LRTM3: variants seen among roughly 807,000 people sequenced by gnomAD.
LRTM3 encodes the protein leucine-rich repeat transmembrane protein 3.
chr13:102,748,949 G>T, the LRTM3 span: 28 of 1,550,456 alleles, frequency 1.8e-5, no homozygotes, highest in South Asian at 3.2e-4. Flanking sequence ...CTCTGTATCT[G>T]GTGACTTATT....
chr13:102,733,095 T>A, the LRTM3 span: 1 of 1,551,500 alleles, frequency 6.4e-7, no homozygotes, highest in Admixed American at 2.0e-5. Flanking sequence ...TCCACATCTG[T>A]TTCCGATGGT....
chr13:102,730,935 A>G, the LRTM3 span: 2 of 1,551,364 alleles, frequency 1.3e-6, no homozygotes, highest in Non-Finnish European at 1.7e-6. Context: ...GGATGAATAC[A>G]GTTAGATAAG....
At chr13:102,746,361 C>T in the LRTM3 span, 2 of 1,550,572 alleles carry the variant, frequency 1.3e-6, no homozygotes, top group East Asian at 2.4e-5. Context: ...TTAGCAAAGA[C>T]ATCAGTGTAT....
chr13:102,738,672 A>G, the LRTM3 span: 2 of 1,550,154 alleles, frequency 1.3e-6, no homozygotes, highest in African/African-American at 2.7e-5. Context: ...GTATCTGATG[A>G]CTCTTGGAGA....
the LRTM3 span, among the ~76,000 whole-genome samples, chr13:102,755,599 T>C: frequency 6.6e-6 from 1 of 151,782 alleles, no homozygotes; most frequent in Non-Finnish European, 1.5e-5. Context: ...AGCTGAACAA[T>C]GAGAACACAT....
At chr13:102,730,383 G>A in the LRTM3 span, 1 of 1,550,792 alleles carries the variant, frequency 6.4e-7, no homozygotes, top group Non-Finnish European at 8.7e-7. Flanking sequence ...ATATCTGTCT[G>A]AATATCAACA....
chr13:102,743,659 T>G, the LRTM3 span: 2 of 1,550,190 alleles, frequency 1.3e-6, no homozygotes, highest in Non-Finnish European at 1.7e-6. Context: ...CTTCTTCCTC[T>G]TCCTCTGTAA....
At chr13:102,742,540 A>C in the LRTM3 span, 2 of 1,550,604 alleles carry the variant, frequency 1.3e-6, no homozygotes, top group African/African-American at 2.7e-5. Context: ...ATTCTGGATT[A>C]AACTCTTCTG....
chr13:102,741,171 A>AT, the LRTM3 span: 2 of 1,548,982 alleles, frequency 1.3e-6, no homozygotes, highest in Non-Finnish European at 1.7e-6. Flanking sequence ...TTCATCCTCA[A>AT]TTTTTTTGAA....
chr13:102,737,535 T>G, the LRTM3 span: 18,870 of 1,550,866 alleles, frequency 0.012, 150 homozygotes, highest in Non-Finnish European at 0.014. Context: ...CCGTCCTCTT[T>G]CCCTTGCTCC....
chr13:102,738,598 T>C, the LRTM3 span: 22 of 1,550,376 alleles, frequency 1.4e-5, no homozygotes, highest in Middle Eastern at 1.7e-4. Flanking sequence ...ATATAGATTC[T>C]AGGGCCTTTT....
chr13:102,734,485 G>T, the LRTM3 span: 1 of 1,551,164 alleles, frequency 6.4e-7, no homozygotes, highest in South Asian at 1.2e-5. Flanking sequence ...GCCCTCCAAT[G>T]TTCACATGCA....
the LRTM3 span, chr13:102,737,925 C>T: frequency 1.8e-5 from 28 of 1,550,874 alleles, 1 homozygote; most frequent in South Asian, 3.2e-4. Context: ...TTCTTGTCTC[C>T]ATCCATTTTC....
At chr13:102,746,367 T>C in the LRTM3 span, 3 of 1,550,428 alleles carry the variant, frequency 1.9e-6, no homozygotes, top group Admixed American at 3.9e-5. Context: ...AAGACATCAG[T>C]GTATGTCTTA....
chr13:102,746,385 T>C, the LRTM3 span: 1 of 1,551,056 alleles, frequency 6.4e-7, no homozygotes, highest in Non-Finnish European at 8.7e-7. Context: ...TTATCTGCTG[T>C]TTCTCCTTGC....
At chr13:102,748,465 C>T in the LRTM3 span, 1 of 1,551,184 alleles carries the variant, frequency 6.4e-7, no homozygotes, top group Non-Finnish European at 8.7e-7. Flanking sequence ...TTGGAAAGCA[C>T]CTTTGCGTTT....
At chr13:102,744,235 G>T in the LRTM3 span, 11 of 1,550,100 alleles carry the variant, frequency 7.1e-6, no homozygotes, top group Admixed American at 2.0e-4. Context: ...TTACACATTT[G>T]GGACTCATAC....
chr13:102,739,092 T>C, the LRTM3 span: 2 of 1,550,500 alleles, frequency 1.3e-6, no homozygotes, highest in Non-Finnish European at 8.7e-7. Flanking sequence ...TCTTTTATTC[T>C]AGGATTCCAT....
chr13:102,743,342 G>A, the LRTM3 span: 5 of 1,550,378 alleles, frequency 3.2e-6, no homozygotes. Flanking sequence ...TTTAATGTCA[G>A]AGGAATCTGG....
Sources: allele counts gnomAD v4.1 joint callset (sites outside exome capture counted in the v4.1 genomes callset), GRCh38; gene constraint gnomAD v4.1.1; transcripts MANE v1.5; gene names NCBI Gene and HGNC (gene_info 2026-07-23, HGNC 2026-07-21).